Variants in CNKSR2 observed in about 807,000 individuals in gnomAD.
CNKSR2 encodes the protein connector enhancer of kinase suppressor of Ras 2.
CNKSR2 carries 14 observed loss-of-function variants against 84.4 expected under a neutral mutation model. The observed-to-expected ratio is 0.17, with a 90% CI of 0.11 to 0.26. The LOEUF is 0.26. Among genes scored for constraint, CNKSR2 ranks in the 10% least tolerant of loss-of-function variants. The probability of loss-of-function intolerance (pLI) is 1.00; values close to 1 mark genes in which losing one functional copy is unlikely to be tolerated. For missense variants in CNKSR2, 485 were observed against 771.2 expected, an observed-to-expected ratio of 0.63 and a Z score of 4.40; for synonymous variants, 275 against 277.9, an observed-to-expected ratio of 0.99 and a Z score of 0.10.
intron 4 of CNKSR2, among the ~76,000 whole-genome samples, chrX:21,442,891 T>C (rs1350489166): frequency 9.0e-6 from 1 of 110,905 alleles, no homozygotes; most frequent in Non-Finnish European, 1.9e-5. Flanking sequence ...TAAGCAAACT[T>C]AACACAGGAA....
intron 8 of CNKSR2, among the ~76,000 whole-genome samples, chrX:21,502,408 C>T (rs2091568443): frequency 9.2e-6 from 1 of 108,345 alleles, no homozygotes; most frequent in African/African-American, 3.3e-5. Flanking sequence ...TTAAAATAAT[C>T]CAAAATTATT....
chrX:21,531,766 T>C, intron 10 of CNKSR2, 90 bp from the exon 11 acceptor site: 1 of 535,396 alleles, frequency 1.9e-6, no homozygotes, highest in Non-Finnish European at 3.1e-6. Context: ...ATATATTGTA[T>C]GGGAGTAAAT....
At chrX:21,622,698 T>C (rs933154851) in intron 20 of CNKSR2, among the ~76,000 whole-genome samples, 2 of 111,733 alleles carry the variant, frequency 1.8e-5, no homozygotes, top group African/African-American at 6.5e-5. Flanking sequence ...ATTCCAAATA[T>C]TTCTTTGTAT....
intron 11 of CNKSR2, among the ~76,000 whole-genome samples, chrX:21,551,815 A>C (rs900938891): frequency 8.9e-6 from 1 of 112,136 alleles, no homozygotes; most frequent in African/African-American, 3.2e-5. Context: ...AATTGAATAC[A>C]GAAGCAGATA....
chrX:21,619,777 C>A (rs774275635), intron 20 of CNKSR2, among the ~76,000 whole-genome samples: 26 of 110,620 alleles, frequency 2.4e-4, no homozygotes, highest in Non-Finnish European at 4.4e-4. Context: ...TTAAACTGTA[C>A]ACATTTTTTT....
chrX:21,439,827 G>T (rs1300303910), intron 3 of CNKSR2, among the ~76,000 whole-genome samples: 1 of 110,438 alleles, frequency 9.1e-6, no homozygotes, highest in East Asian at 2.8e-4. Flanking sequence ...TGATTTCATT[G>T]TTGAATTTTA....
intron 4 of CNKSR2, among the ~76,000 whole-genome samples, chrX:21,459,403 A>T (rs1362325631): frequency 9.0e-6 from 1 of 111,577 alleles, no homozygotes; most frequent in Non-Finnish European, 1.9e-5. Context: ...TTTTAAGAAG[A>T]TGGAAAGTAT....
In CNKSR2 at chrX:21,569,292, T is replaced by C. The variant is rs1161518955; in HGVS notation, c.1608+5840T>C. On this transcript the variant is annotated intron_variant, in intron 13 of 21. Transcript: ENST00000379510. ...GTCTGCTGACTAATCAGGGTGGTGG[T>C]AGCTGAAAGTTGGGGTGGTTATGAC... 2.7e-5 allele frequency among the ~76,000 whole-genome samples: 3 copies of C among 111,476 alleles called. No individual in the cohort carries two copies. In the East Asian group the frequency reaches 8.4e-4, roughly 31 times the overall value.
chrX:21,503,276 T>C (rs922107155), intron 8 of CNKSR2: 2 of 293,215 alleles, frequency 6.8e-6, no homozygotes, highest in Non-Finnish European at 1.2e-5. Flanking sequence ...CTACACAGAA[T>C]GATCTTTGGG....
At chrX:21,539,654 G>A (rs2091959624) in intron 11 of CNKSR2, among the ~76,000 whole-genome samples, 1 of 111,623 alleles carries the variant, frequency 9.0e-6, no homozygotes, top group Non-Finnish European at 1.9e-5. Flanking sequence ...TGCTTTCACA[G>A]GGAAAGACAT....
At chrX:21,430,806 G>A in intron 2 of CNKSR2, among the ~76,000 whole-genome samples, 1 of 111,594 alleles carries the variant, frequency 9.0e-6, no homozygotes, top group Non-Finnish European at 1.9e-5. Flanking sequence ...TCATACTGTA[G>A]TGACCGGCTG....
chrX:21,550,923 T>C (rs374973506), intron 11 of CNKSR2, among the ~76,000 whole-genome samples: 1 of 108,838 alleles, frequency 9.2e-6, no homozygotes, highest in East Asian at 2.9e-4. Flanking sequence ...GTAATCCCAG[T>C]TGCTTGGGAG....
At chrX:21,596,120 T>C (rs1032655593) in intron 17 of CNKSR2, among the ~76,000 whole-genome samples, 19 of 111,925 alleles carry the variant, frequency 1.7e-4, no homozygotes, top group African/African-American at 5.8e-4. Context: ...AGAGGCAGCA[T>C]AGCATCATGG....
intron 8 of CNKSR2, among the ~76,000 whole-genome samples, chrX:21,508,863 A>C (rs982420983): frequency 1.8e-5 from 2 of 112,504 alleles, no homozygotes; most frequent in Admixed American, 9.4e-5. Flanking sequence ...CATAAAACTT[A>C]CATGAAAAAT....
chrX:21,399,311 G>T (rs1042003729), intron 1 of CNKSR2, among the ~76,000 whole-genome samples: 1 of 110,561 alleles, frequency 9.0e-6, no homozygotes, highest in Non-Finnish European at 1.9e-5. Flanking sequence ...TAATCCAATG[G>T]CTACTTTCTG....
intron 4 of CNKSR2, among the ~76,000 whole-genome samples, chrX:21,458,839 A>G (rs747855710): frequency 1.8e-5 from 2 of 110,232 alleles, no homozygotes; most frequent in Non-Finnish European, 3.8e-5. Context: ...GCTCCCACTT[A>G]AAGTAAAAAC....
At chrX:21,513,404 C>A (rs765692137) in intron 8 of CNKSR2, among the ~76,000 whole-genome samples, 6 of 112,034 alleles carry the variant, frequency 5.4e-5, no homozygotes, top group Non-Finnish European at 1.1e-4. Context: ...TCTACCCACT[C>A]TATGTTTTAG....
chrX:21,447,998 A>G (rs931075932), intron 4 of CNKSR2, among the ~76,000 whole-genome samples: 1 of 111,326 alleles, frequency 9.0e-6, no homozygotes, highest in African/African-American at 3.3e-5. Flanking sequence ...ATTGTGCTAT[A>G]CTCATACTTT....
chrX:21,546,446 G>A (rs1010973931), intron 11 of CNKSR2, among the ~76,000 whole-genome samples: 1 of 110,051 alleles, frequency 9.1e-6, no homozygotes, highest in African/African-American at 3.3e-5. Context: ...CCCACATTTG[G>A]TCTTGTTTGG....
Sources: gnomAD v4.1 joint callset for allele counts (sites outside exome capture counted in the v4.1 genomes callset) on GRCh38, gnomAD v4.1.1 for gene constraint, MANE v1.5 for transcripts, NCBI Gene and HGNC (gene_info 2026-07-23, HGNC 2026-07-21) for gene names.